Variants in ZWILCH observed in about 807,000 individuals in gnomAD.
ZWILCH encodes zwilch kinetochore protein, also known as protein zwilch homolog.
A neutral mutation model predicts 79.9 loss-of-function variants in ZWILCH; 74 were observed. The observed-to-expected ratio is 0.93, with a 90% confidence interval of 0.77 to 1.12. The LOEUF (loss-of-function observed/expected upper bound fraction) is 1.12. Ranked by LOEUF, ZWILCH falls within the 50% of genes most tolerant of loss-of-function variation. ZWILCH has a pLI of 0.00. For missense variants in ZWILCH, 694 were observed against 687.5 expected (o/e 1.01, Z -0.11); for synonymous variants, 241 against 228.2 (o/e 1.06, Z -0.51).
Position 66,520,638 on chromosome 15 carries a change from A to G in ZWILCH, c.569A>G (p.Lys190Arg). The change falls in exon 6 of 19, where the codon AAG becomes AGG. Residue 190 changes from lysine to arginine, a missense_variant. Coordinates refer to ENST00000307897, the MANE Select transcript of ZWILCH (RefSeq NM_017975.5). ...VNLENLKNLH[K>R]KRHHLSTVTS... is the part of the protein sequence containing the mutation. Reference sequence around the variant, plus strand: ...CTTGAAAACCTAAAAAATTTACACAAGAAAAGACATCACTTGTCTACTGTA... The same window carrying G: ...CTTGAAAACCTAAAAAATTTACACAGGAAAAGACATCACTTGTCTACTGTA... The G allele has an allele frequency of 1.3e-6, 2 of 1,557,310 alleles. No individual in the cohort carries two copies. Among genetic ancestry groups the G allele is most frequent in the South Asian group, 1.1e-5 (1 of 88,318 alleles).
In ZWILCH at chr15:66,548,507, G is replaced by T; in HGVS notation, c.*183G>T. ...ATCCTGTCTCAGCTCTGCCTCCTCA[G>T]GAGGAGCATTAGTAGAACAGCAGTG... On this transcript the variant is annotated 3_prime_UTR_variant, in exon 19 of 19. Coordinates refer to ENST00000307897, the MANE Select transcript of ZWILCH (RefSeq NM_017975.5). 1 of 1,602,310 alleles carries T rather than the reference G, an allele frequency of 6.2e-7. No individual in the cohort carries two copies. Among genetic ancestry groups the T allele is most frequent in the Non-Finnish European group, 8.5e-7 (1 of 1,169,852 alleles).
intron 12 of ZWILCH, among the ~76,000 whole-genome samples, chr15:66,532,022 G>T (rs926994880): frequency 6.6e-6 from 1 of 152,088 alleles, no homozygotes; most frequent in Non-Finnish European, 1.5e-5. Context: ...AGCCGAGATC[G>T]TGCCACTGCA....
chr15:66,532,225 A>T (rs372643000), intron 12 of ZWILCH, 22 bp from the exon 13 acceptor site: 1 of 1,543,232 alleles, frequency 6.5e-7, no homozygotes, highest in Non-Finnish European at 8.7e-7. Context: ...TCATGGTTTT[A>T]TAAAATTTTC....
At chr15:66,518,786 G>T (rs144865673) in intron 4 of ZWILCH, 93 bp from the exon 5 acceptor site, 26,513 of 1,206,646 alleles carry the variant, frequency 0.022, 365 homozygotes, top group Non-Finnish European at 0.027. Context: ...ATTCCAGCCT[G>T]GGCAACAGAG....
chr15:66,509,838 T>TTTCATGAATGAGAAGCTGTA (rs1893977753), intron 2 of ZWILCH, among the ~76,000 whole-genome samples: 2 of 65,726 alleles, frequency 3.0e-5, no homozygotes, highest in South Asian at 5.3e-4. Context: ...TATATATATA[T>TTTCATGAATGAGAAGCTGTA]ATATATATAT....
rs1198220558 is a variant in ZWILCH, at chr15:66,520,421, C to G, written c.521-169C>G. On this transcript the variant is annotated intron_variant, in intron 5 of 18. Transcript: ENST00000307897. ...TATGTGTGAGCCACCATACCCAGCC[C>G]ACTTTCATTCTCTTATAAACATTTC... is the stretch of plus-strand genomic sequence containing the variant. 33 of 566,324 alleles carry G rather than the reference C, an allele frequency of 5.8e-5. 1 individual carries two copies. Among genetic ancestry groups the G allele is most frequent in the Non-Finnish European group, 6.7e-5 (21 of 312,524 alleles). 35.1% of individuals were successfully genotyped at this position (566,324 alleles called of 1,614,324 possible).
At position 66,528,916 on chromosome 15, in the gene ZWILCH, A is replaced by G; in HGVS notation, c.1034A>G (p.Asp345Gly). 1 of 1,614,086 alleles carries G rather than the reference A, an allele frequency of 6.2e-7. No individual in the cohort carries two copies. The highest frequency in any genetic ancestry group is 8.5e-7 in the Non-Finnish European group (1 of 1,180,000). ...AAGCGTCTTTTCAAAGTTCGGAGTG[A>G]TCTTGATTTTGCTGAGCAACTGTGG... is the stretch of plus-strand genomic sequence containing the variant. ...SVKRLFKVRS[D>G]LDFAEQLWCK... Residue 345 changes from aspartate (D) to glycine (G), a missense_variant, in exon 11 of 19, where the codon GAT (aspartate) becomes GGT (glycine). Physicochemically the swap from Asp to Gly is moderately conservative, Grantham distance 94. Coordinates refer to ENST00000307897, the MANE Select transcript of ZWILCH (RefSeq NM_017975.5).
intron 3 of ZWILCH, chr15:66,514,284 A>C: frequency 3.1e-6 from 1 of 319,340 alleles, no homozygotes. Context: ...CCTCATTAAG[A>C]AATAATCGAT....
At chr15:66,540,863 A>G (rs1895169843) in intron 17 of ZWILCH, among the ~76,000 whole-genome samples, 7 of 151,240 alleles carry the variant, frequency 4.6e-5, no homozygotes, top group Admixed American at 4.6e-4. Flanking sequence ...TCCTGACCTC[A>G]TGATCCACCT....
chr15:66,520,411 A>G (rs1259497798), intron 5 of ZWILCH, 179 bp from the exon 6 acceptor site: 1 of 546,296 alleles, frequency 1.8e-6, no homozygotes, highest in Non-Finnish European at 3.3e-6. Context: ...GTGAGCCACC[A>G]TACCCAGCCC....
intron 17 of ZWILCH, among the ~76,000 whole-genome samples, chr15:66,544,152 G>A (rs141713902): frequency 1.3e-5 from 2 of 151,482 alleles, no homozygotes; most frequent in East Asian, 1.9e-4. Flanking sequence ...AGCTACTCAG[G>A]AGGCTGAGGC....
chr15:66,521,275 G>A (rs1894485757), intron 7 of ZWILCH, 70 bp downstream of exon 7: 2 of 1,551,434 alleles, frequency 1.3e-6, no homozygotes, highest in African/African-American at 2.7e-5. Context: ...GGTTGTTGCT[G>A]GTGCTCCATG....
At chr15:66,545,484 T>C (rs1414884370) in intron 17 of ZWILCH, among the ~76,000 whole-genome samples, 1 of 152,220 alleles carries the variant, frequency 6.6e-6, no homozygotes, top group Non-Finnish European at 1.5e-5. Flanking sequence ...TTAATGTCTT[T>C]TTGACATGGA....
At chr15:66,516,943 C>A (rs1281555364) in intron 4 of ZWILCH, among the ~76,000 whole-genome samples, 3 of 152,146 alleles carry the variant, frequency 2.0e-5, no homozygotes, top group Non-Finnish European at 2.9e-5. Context: ...TGGGTTGATT[C>A]ATGCGCTTAT....
At chr15:66,539,151 CA>C (rs1895113891) in intron 16 of ZWILCH, among the ~76,000 whole-genome samples, 1 of 152,036 alleles carries the variant, frequency 6.6e-6, no homozygotes, top group African/African-American at 2.4e-5. Flanking sequence ...ATGGCCAAAA[CA>C]AAAACGTAGT....
chr15:66,520,740 C>A, intron 6 of ZWILCH, 80 bp downstream of exon 6: 1 of 907,910 alleles, frequency 1.1e-6, no homozygotes, highest in Non-Finnish European at 1.7e-6. Context: ...TTTTTTTTCA[C>A]TCCTAAGATG....
chr15:66,517,922 G>A (rs1351630032), intron 4 of ZWILCH, among the ~76,000 whole-genome samples: 1 of 151,210 alleles, frequency 6.6e-6, no homozygotes, highest in Non-Finnish European at 1.5e-5. Flanking sequence ...TAGTAGAGAC[G>A]GGGTTTCACC....
chr15:66,549,075 T>G lies in ZWILCH; in HGVS notation c.*751T>G, dbSNP rs1343409760. On this transcript the variant is annotated 3_prime_UTR_variant, in exon 19 of 19. Transcript: ENST00000307897. Reference sequence around the variant, plus strand: ...GTTCTTGTATAGTTAAATAATAATCTTTTTAAGAGTTAATGATAAGCATAT... The same window carrying G: ...GTTCTTGTATAGTTAAATAATAATCGTTTTAAGAGTTAATGATAAGCATAT... 2.6e-5 allele frequency: 4 copies of G among 152,784 alleles called. No individual in the cohort carries two copies. The highest frequency in any genetic ancestry group is 9.7e-5 in the African/African-American group (4 of 41,450). 9.5% of individuals were successfully genotyped at this position (152,784 alleles called of 1,614,324 possible).
Position 66,521,114 on chromosome 15 carries a change from C to T in ZWILCH, c.656C>T (p.Thr219Ile), listed in dbSNP as rs144338336. 9.8e-4 allele frequency: 1,578 copies of T among 1,614,092 alleles called. 5 individuals are homozygous for T. The highest frequency in any genetic ancestry group is 1.2e-3 in the Non-Finnish European group (1,453 of 1,180,044). The change falls in exon 7 of 19, where the codon ACA (threonine) becomes ATA (isoleucine). Residue 219 changes from threonine to isoleucine, a missense_variant. Transcript: ENST00000307897. ...TCCTCTGCCTTGGATGATACAATCA[C>T]AGCATCACAAACTGCGATCGCTTTG... The part of the protein sequence containing the change: ...FKSSALDDTI[T>I]ASQTAIALDI...
Sources: allele counts gnomAD v4.1 joint callset (sites outside exome capture counted in the v4.1 genomes callset), GRCh38; gene constraint gnomAD v4.1.1; transcripts MANE v1.5; gene names NCBI Gene and HGNC (gene_info 2026-07-23, HGNC 2026-07-21).